DOP1B: variants seen among roughly 807,000 people sequenced by gnomAD.
DOP1B encodes protein DOP1B.
A neutral mutation model predicts 233.5 loss-of-function variants in DOP1B; 174 were observed. The observed-to-expected ratio is 0.75, with a 90% CI of 0.66 to 0.85. The LOEUF (loss-of-function observed/expected upper bound fraction) is 0.85, where lower values mean the gene tolerates loss of function less well. Ranked by LOEUF, DOP1B falls within the 40% of genes least tolerant of loss-of-function variation. The pLI is 0.00. For synonymous variants in DOP1B, 1,190 were observed against 1,185.6 expected (o/e 1.00, Z -0.08); for missense variants, 2,652 against 2,846.6 (o/e 0.93, Z 1.56).
intron 14 of DOP1B, among the ~76,000 whole-genome samples, chr21:36,231,589 A>C (rs917348140): frequency 3.3e-5 from 5 of 152,130 alleles, no homozygotes; most frequent in Non-Finnish European, 5.9e-5. Context: ...AGCCCATCAG[A>C]AGACCTAGAA....
At chr21:36,240,633 T>C (rs2066883004) in intron 18 of DOP1B, among the ~76,000 whole-genome samples, 1 of 152,200 alleles carries the variant, frequency 6.6e-6, no homozygotes, top group Non-Finnish European at 1.5e-5. Context: ...AACCTTTCAG[T>C]TCAGAGAACT....
chr21:36,209,322 A>G (rs1473358500), intron 5 of DOP1B, among the ~76,000 whole-genome samples: 3 of 152,242 alleles, frequency 2.0e-5, no homozygotes, highest in Admixed American at 2.0e-4. Context: ...GGGTTTCACC[A>G]TGTTGGCCAG....
chr21:36,293,490 TC>T lies in DOP1B; in HGVS notation c.6818del (p.Pro2273LeufsTer9). The T allele has an allele frequency of 6.2e-7, 1 of 1,614,190 alleles. No homozygotes were observed. Among genetic ancestry groups the T allele is most frequent in the Middle Eastern group, 1.6e-4 (1 of 6,062 alleles). On this transcript the variant is annotated frameshift_variant, in exon 37 of 37. Coordinates refer to ENST00000691173, the MANE Select transcript of DOP1B (RefSeq NM_001320714.2). LOFTEE classifies it high-confidence loss of function. ...DSPGTPFLDF[P>X]VTDSPRILKQ... Reference sequence around the variant, plus strand: ...GCCCAGGAACTCCATTCTTGGACTTTCCTGTCACAGATAGCCCAAGGATCTT... The same window carrying T: ...GCCCAGGAACTCCATTCTTGGACTTTCTGTCACAGATAGCCCAAGGATCTT...
intron 18 of DOP1B, 110 bp from the exon 19 acceptor site, chr21:36,244,938 T>G: frequency 8.8e-7 from 1 of 1,134,666 alleles, no homozygotes; most frequent in East Asian, 2.5e-5. Context: ...ATGTGAGAAT[T>G]TTAGGAATAT....
intron 2 of DOP1B, among the ~76,000 whole-genome samples, chr21:36,191,959 T>C (rs1231078855): frequency 6.6e-6 from 1 of 152,140 alleles, no homozygotes; most frequent in Non-Finnish European, 1.5e-5. Flanking sequence ...ACATTCATAT[T>C]GTGTATCCTG....
chr21:36,230,623 G>A lies in DOP1B; in HGVS notation c.1839G>A (p.Arg613=), dbSNP rs1487613394. Residue 613 remains arginine (R), a synonymous_variant, in exon 14 of 37, where the codon AGG becomes AGA. Coordinates refer to ENST00000691173, the MANE Select transcript of DOP1B (RefSeq NM_001320714.2). ...HLRVPRVSLE[R]DDVWKKGGSM... is the part of the protein sequence containing the mutation. ...GGGTTCCTCGAGTTTCTCTGGAAAG[G>A]GACGACGTTTGGAAGAAGGGCGGGA... The A allele has an allele frequency of 6.2e-7, 1 of 1,614,076 alleles. No individual in the cohort carries two copies. Among genetic ancestry groups the A allele is most frequent in the African/African-American group, 1.3e-5 (1 of 74,928 alleles).
intron 28 of DOP1B, among the ~76,000 whole-genome samples, chr21:36,277,708 G>C (rs1451357419): frequency 6.6e-6 from 1 of 151,358 alleles, no homozygotes; most frequent in African/African-American, 2.4e-5. Context: ...AGGCTGGAGT[G>C]CAGTGGCGTG....
chr21:36,269,482 G>A (rs1405662077), intron 26 of DOP1B, among the ~76,000 whole-genome samples: 1 of 151,876 alleles, frequency 6.6e-6, no homozygotes, highest in African/African-American at 2.4e-5. Flanking sequence ...TTGAGTGCAT[G>A]TTGATAATAT....
At chr21:36,260,899 C>T in intron 24 of DOP1B, 167 bp downstream of exon 24, 1 of 1,438,620 alleles carries the variant, frequency 7.0e-7, no homozygotes, top group South Asian at 1.6e-5. Context: ...CTATGCTTTT[C>T]CTTCTCCAGA....
chr21:36,277,930 TCGC>T lies in DOP1B; in HGVS notation c.5713-44_5713-42del. On this transcript the variant is annotated intron_variant, in intron 28 of 36. Transcript: ENST00000691173. ...GTGCTGGGATTACAGGTGTGAGCCG[TCGC>T]ACCTGGCCAGTTTCTGTTTTCTTAG... 4 of 1,527,672 alleles carry T rather than the reference TCGC, an allele frequency of 2.6e-6. No homozygotes were observed. The South Asian group carries it at 4.5e-5, about 17-fold the overall frequency. The allele number at this position is 1,527,672 out of a possible 1,614,324, so 94.6% of individuals were successfully genotyped here.
In DOP1B at chr21:36,255,732, G is replaced by A. The variant is rs536481423; in HGVS notation, c.5259+1823G>A. Among the ~76,000 whole-genome samples, 10 of 152,290 alleles carry A rather than the reference G, an allele frequency of 6.6e-5. No individual in the cohort carries two copies. The South Asian group carries it at 2.1e-3, about 32-fold the overall frequency. ...CGGGCGAGAGCCACCATGCCTGGCTGCATAATTTTTTATAAAGGTAGAAAA... is the reference window on the plus strand; with the variant it reads ...CGGGCGAGAGCCACCATGCCTGGCTACATAATTTTTTATAAAGGTAGAAAA... On this transcript the variant is annotated intron_variant, in intron 23 of 36. Transcript: ENST00000691173.
At chr21:36,165,689 G>A (rs2065903530) in intron 2 of DOP1B, among the ~76,000 whole-genome samples, 1 of 151,592 alleles carries the variant, frequency 6.6e-6, no homozygotes. Context: ...ACATGTGAGG[G>A]ATCTAGGTTG....
intron 2 of DOP1B, among the ~76,000 whole-genome samples, chr21:36,180,422 T>C (rs1269230350): frequency 1.4e-5 from 2 of 142,316 alleles, no homozygotes; most frequent in African/African-American, 2.6e-5. Flanking sequence ...TACAAAAAAT[T>C]AGCTGGGTGT....
chr21:36,226,294 C>A (rs980739823), intron 12 of DOP1B, among the ~76,000 whole-genome samples: 1 of 148,066 alleles, frequency 6.8e-6, no homozygotes, highest in Non-Finnish European at 1.5e-5. Context: ...GTCTCTCTCT[C>A]TCTTTTTTTT....
At chr21:36,192,331 T>C (rs1050884442) in intron 2 of DOP1B, among the ~76,000 whole-genome samples, 5 of 150,046 alleles carry the variant, frequency 3.3e-5, no homozygotes, top group African/African-American at 7.4e-5. Context: ...TGCACTCCAC[T>C]GTGGGTGACA....
intron 2 of DOP1B, among the ~76,000 whole-genome samples, chr21:36,177,717 A>G (rs926730965): frequency 7.9e-5 from 12 of 152,244 alleles, no homozygotes; most frequent in African/African-American, 2.9e-4. Context: ...TAGCATTAGC[A>G]TGCTCGGCCT....
intron 26 of DOP1B, among the ~76,000 whole-genome samples, chr21:36,268,067 G>A (rs751265703): frequency 3.9e-5 from 6 of 152,130 alleles, no homozygotes; most frequent in East Asian, 1.9e-4. Flanking sequence ...AGAAAACAGC[G>A]TTGGAGAGCA....
At position 36,230,986 on chromosome 21, in the gene DOP1B, G is replaced by C. The variant is rs1188603097; in HGVS notation, c.2202G>C (p.Lys734Asn). ...RKNGGEWDVEKVVIDLGGSRE... is the reference protein window; with the variant it reads ...RKNGGEWDVENVVIDLGGSRE... The stretch of plus-strand genomic sequence containing the variant: ...ACGGGGGAGAATGGGATGTTGAGAA[G>C]GTGGTCATTGACCTGGGGGGTTCCA... Residue 734 changes from lysine to asparagine, a missense_variant, in exon 14 of 37, where the codon AAG becomes AAC. By Grantham distance (94) the Lys-to-Asn change is moderately conservative. This residue lies in a region of DOP1B where 2,617 missense variants were observed against 2,794.3 expected (regional missense o/e 0.94). Transcript: ENST00000691173. 2 of 1,614,090 alleles carry C rather than the reference G, an allele frequency of 1.2e-6. No individual in the cohort carries two copies. Among genetic ancestry groups the C allele is most frequent in the East Asian group, 2.2e-5 (1 of 44,890 alleles).
chr21:36,251,045 T>G, intron 21 of DOP1B, 117 bp from the exon 22 acceptor site: 1 of 1,391,960 alleles, frequency 7.2e-7, no homozygotes, highest in Non-Finnish European at 9.6e-7. Flanking sequence ...AGCACAACAT[T>G]GGGCACAAAC....
Sources: gnomAD v4.1 joint callset for allele counts (sites outside exome capture counted in the v4.1 genomes callset) on GRCh38, gnomAD v4.1.1 for gene constraint, gnomAD v4.1.1 regional missense constraint, MANE v1.5 for transcripts, NCBI Gene and HGNC (gene_info 2026-07-23, HGNC 2026-07-21) for gene names.